Variants in DYNC1H1 observed in about 807,000 individuals in gnomAD.
DYNC1H1 encodes the protein dynein cytoplasmic 1 heavy chain 1.
A neutral mutation model predicts 527.1 loss-of-function variants in DYNC1H1; 51 were observed. That is an observed-to-expected ratio of 0.10 (90% CI 0.08 to 0.12). DYNC1H1 has a LOEUF of 0.12. Ranked by LOEUF, DYNC1H1 falls within the 10% of genes least tolerant of loss-of-function variation. The pLI is 1.00. For synonymous variants in DYNC1H1, 2,189 were observed against 2,278.8 expected (o/e 0.96, Z 1.12); for missense variants, 2,771 against 5,971.8 (o/e 0.46, Z 17.66).
chr14:102,038,605 C>G lies in DYNC1H1; in HGVS notation c.11054C>G (p.Thr3685Ser). The G allele has an allele frequency of 6.2e-7, 1 of 1,614,240 alleles. No homozygotes were observed. The highest frequency in any genetic ancestry group is 8.5e-7 in the Non-Finnish European group (1 of 1,180,042). The change falls in exon 58 of 78, where the codon ACT (threonine) becomes AGT (serine). Residue 3685 changes from threonine (T) to serine (S), a missense_variant and splice_region_variant. Physicochemically the swap from Thr to Ser is moderately conservative, Grantham distance 58. Coordinates refer to ENST00000360184, the MANE Select transcript of DYNC1H1 (RefSeq NM_001376.5). The surrounding 1 kb of genome is among the most constrained non-coding windows in gnomAD (Gnocchi z 7.2). ...ATCTTCCTGTCCACCCGGGATCCAA[C>G]TGTAAGGAATGGGACCCTTCCCCAG... ...FVIFLSTRDP[T>S]VEFPPDLCSR...
chr14:102,007,147 C>T (rs1219197858), intron 28 of DYNC1H1, 39 bp downstream of exon 28: 3 of 1,597,322 alleles, frequency 1.9e-6, no homozygotes, highest in Non-Finnish European at 2.6e-6. Context: ...ATGTAATGCC[C>T]TGCAGGGATC....
intron 41 of DYNC1H1, among the ~76,000 whole-genome samples, chr14:102,019,443 C>A (rs188572940): frequency 6.6e-6 from 1 of 152,322 alleles, no homozygotes; most frequent in Admixed American, 6.5e-5. Context: ...GTGGCAGATG[C>A]TTTTTCCCAG....
At chr14:101,966,209 T>G (rs189580550) in intron 1 of DYNC1H1, among the ~76,000 whole-genome samples, 6 of 152,364 alleles carry the variant, frequency 3.9e-5, no homozygotes, top group African/African-American at 1.4e-4. Flanking sequence ...TCAAAGGCTA[T>G]TCTTACTCAG....
At chr14:101,975,271 G>A (rs1275062900) in intron 1 of DYNC1H1, among the ~76,000 whole-genome samples, 3 of 152,230 alleles carry the variant, frequency 2.0e-5, no homozygotes, top group African/African-American at 7.2e-5. Context: ...TTAGTAAAAT[G>A]CCTATCACAC....
rs916123858 is a variant in DYNC1H1 at position 102,018,751 on chromosome 14, A to T, written c.8343+135A>T. 2 of 1,199,404 alleles carry T rather than the reference A, an allele frequency of 1.7e-6. No individual in the cohort carries two copies. Among genetic ancestry groups the T allele is most frequent in the Non-Finnish European group, 2.4e-6 (2 of 843,350 alleles). 74.3% of individuals were successfully genotyped at this position (1,199,404 alleles called of 1,614,324 possible). On this transcript the variant is annotated intron_variant, in intron 41 of 77. Coordinates refer to ENST00000360184, the MANE Select transcript of DYNC1H1 (RefSeq NM_001376.5). The surrounding 1 kb of genome is among the most constrained non-coding windows in gnomAD (Gnocchi z 5.2). Reference sequence around the variant, plus strand: ...CAAGGTGGGTGGATCCTTTGAGCCCAGGAGTTTGAGACCAGTCTGGACAAC... The same window carrying T: ...CAAGGTGGGTGGATCCTTTGAGCCCTGGAGTTTGAGACCAGTCTGGACAAC...
rs2048777572 is a variant in DYNC1H1 at position 102,049,682 on chromosome 14, C to T, written c.13516-32C>T. On this transcript the variant is annotated intron_variant, in intron 75 of 77. Coordinates refer to ENST00000360184, the MANE Select transcript of DYNC1H1 (RefSeq NM_001376.5). The surrounding 1 kb of genome is among the most constrained non-coding windows in gnomAD (Gnocchi z 5.5). The stretch of plus-strand genomic sequence containing the variant: ...ACACAGGGCCCAGGTCTGACCTGAG[C>T]TCCTTCCCCTGGGGGCTGCTGCTTT... The T allele has an allele frequency of 6.2e-7, 1 of 1,613,870 alleles. No homozygotes were observed. Among genetic ancestry groups the T allele is most frequent in the Admixed American group, 1.7e-5 (1 of 60,026 alleles).
chr14:102,008,807 C>G (rs2048226454), intron 29 of DYNC1H1, among the ~76,000 whole-genome samples: 1 of 152,160 alleles, frequency 6.6e-6, no homozygotes, highest in Non-Finnish European at 1.5e-5. Context: ...AAACCCAGGA[C>G]TGTATTGCAT....
At chr14:102,048,933 G>T in intron 74 of DYNC1H1, 1 of 511,686 alleles carries the variant, frequency 2.0e-6, no homozygotes, top group Middle Eastern at 5.5e-4. Flanking sequence ...GGTCTTCCAA[G>T]ACGACAGTGA....
rs1429323918 is a variant in DYNC1H1, at chr14:102,041,770, C to T, written c.12102+36C>T. 9 of 1,613,274 alleles carry T rather than the reference C, an allele frequency of 5.6e-6. No individual in the cohort carries two copies. The highest frequency in any genetic ancestry group is 5.9e-6 in the Non-Finnish European group (7 of 1,180,018). On this transcript the variant is annotated intron_variant, in intron 65 of 77. Coordinates refer to ENST00000360184, the MANE Select transcript of DYNC1H1 (RefSeq NM_001376.5). The surrounding 1 kb of genome is among the most constrained non-coding windows in gnomAD (Gnocchi z 4.5). ...GGTACAGCCCGGGCTTCCCACGAGA[C>T]TCCATGCCCACCTCCCCAGCCACAG...
At chr14:102,021,695 T>C (rs1446236438) in intron 42 of DYNC1H1, among the ~76,000 whole-genome samples, 1 of 150,456 alleles carries the variant, frequency 6.6e-6, no homozygotes, top group Non-Finnish European at 1.5e-5. Flanking sequence ...AGTCTCGCTT[T>C]GTCACCCAGG....
At chr14:102,045,877 A>G (rs1390134275) in intron 72 of DYNC1H1, among the ~76,000 whole-genome samples, 1 of 152,010 alleles carries the variant, frequency 6.6e-6, no homozygotes, top group Non-Finnish European at 1.5e-5. Context: ...TTAGAAATGC[A>G]GGTTCCCAGC....
chr14:101,965,002 C>A lies in DYNC1H1; in HGVS notation c.256+55C>A. 1 of 1,530,908 alleles carries A rather than the reference C, an allele frequency of 6.5e-7. No homozygotes were observed. Among genetic ancestry groups the A allele is most frequent in the East Asian group, 2.4e-5 (1 of 41,874 alleles). The allele number at this position is 1,530,908 out of a possible 1,614,324, so 94.8% of individuals were successfully genotyped here. A position where few individuals can be genotyped will look rare whatever the true frequency, so the allele number is the denominator to read the frequency against. On this transcript the variant is annotated intron_variant, in intron 1 of 77. Transcript: ENST00000360184. The surrounding 1 kb of genome is among the most constrained non-coding windows in gnomAD (Gnocchi z 4.1). ...GAGCCAGGCCTCGCGGAATGCAGGG[C>A]CTGCCAGGTCCTCCGGGGTCGCAGA... is the stretch of plus-strand genomic sequence containing the variant.
Position 102,010,781 on chromosome 14 carries a change from G to C in DYNC1H1, c.6447G>C (p.Leu2149=), listed in dbSNP as rs757840879. The C allele has an allele frequency of 1.9e-6, 3 of 1,613,556 alleles. No individual in the cohort carries two copies. Among genetic ancestry groups the C allele is most frequent in the Admixed American group, 3.3e-5 (2 of 60,004 alleles). Residue 2149 remains leucine (L), a synonymous_variant, in exon 32 of 78, where the codon CTG becomes CTC. Transcript: ENST00000360184. The surrounding 1 kb of genome is among the most constrained non-coding windows in gnomAD (Gnocchi z 6.0). ...QSVCETMVPK[L]VAEDIPLLFS... is the part of the protein sequence containing the mutation. Reference sequence around the variant, plus strand: ...TCTGTGAGACGATGGTGCCAAAGCTGGTGGCAGAGGACATCCCGCTGCTCT... The same window carrying C: ...TCTGTGAGACGATGGTGCCAAAGCTCGTGGCAGAGGACATCCCGCTGCTCT...
rs1274888262 is a variant in DYNC1H1 at position 102,050,965 on chromosome 14, C to G, written c.*402C>G. ...TGAATGAAGACCTTGGGGCCCTTCACAGACACAGATGCAGCCAGCTGTGGC... is the reference window on the plus strand; with the variant it reads ...TGAATGAAGACCTTGGGGCCCTTCAGAGACACAGATGCAGCCAGCTGTGGC... On this transcript the variant is annotated 3_prime_UTR_variant, in exon 78 of 78. Transcript: ENST00000360184. 3.2e-6 allele frequency: 1 copy of G among 308,488 alleles called. No homozygotes were observed. Among genetic ancestry groups the G allele is most frequent in the Non-Finnish European group, 6.3e-6 (1 of 159,992 alleles). 19.1% of individuals were successfully genotyped at this position (308,488 alleles called of 1,614,324 possible). A position where few individuals can be genotyped will look rare whatever the true frequency, so the allele number is the denominator to read the frequency against.
In DYNC1H1 at chr14:101,979,898, G is replaced by A; in HGVS notation, c.698G>A (p.Gly233Asp). The A allele has an allele frequency of 6.2e-7, 1 of 1,614,208 alleles. No individual in the cohort carries two copies. The highest frequency in any genetic ancestry group is 8.5e-7 in the Non-Finnish European group (1 of 1,180,038). ...RGEKPKVTDF[G>D]DKVEDPTFLN... Reference sequence around the variant, plus strand: ...GAAAAGCCAAAAGTTACAGACTTTGGTGATAAGGTTGAAGACCCAACATTT... The same window carrying A: ...GAAAAGCCAAAAGTTACAGACTTTGATGATAAGGTTGAAGACCCAACATTT... Residue 233 changes from glycine to aspartate, a missense_variant, in exon 4 of 78, where the codon GGT (glycine) becomes GAT (aspartate). Around this residue, in one of 32 missense-constraint regions of DYNC1H1, gnomAD observed 146 missense variants for 288.1 expected, o/e 0.51. Transcript: ENST00000360184. The surrounding 1 kb of genome is among the most constrained non-coding windows in gnomAD (Gnocchi z 4.6).
rs758224806 is a variant in DYNC1H1, at chr14:102,033,215, A to C, written c.10197+33A>C. 1 of 1,614,220 alleles carries C rather than the reference A, an allele frequency of 6.2e-7. No homozygotes were observed. ...ACACAGCCAGGAGCTCCCGTGTGAAAGGTGACCTCTTTTCCTGTCACTTAA... is the reference window on the plus strand; with the variant it reads ...ACACAGCCAGGAGCTCCCGTGTGAACGGTGACCTCTTTTCCTGTCACTTAA... On this transcript the variant is annotated intron_variant, in intron 53 of 77. Transcript: ENST00000360184. This position sits in a 1 kb window ranked among gnomAD's most constrained non-coding sequence, Gnocchi z 5.6.
chr14:102,017,092 T>C lies in DYNC1H1; in HGVS notation c.7853T>C (p.Val2618Ala). The C allele has an allele frequency of 6.2e-7, 1 of 1,614,252 alleles. No homozygotes were observed. The highest frequency in any genetic ancestry group is 8.5e-7 in the Non-Finnish European group (1 of 1,180,040). ...ALRALPDMEV[V>A]GLNFSSATTP... ...TTTTGTGTCTTCCCTCCAAAGGTGG[T>C]GGGTCTCAACTTCTCCAGTGCTACT... The change falls in exon 39 of 78, where the codon GTG becomes GCG. Residue 2618 changes from valine (V) to alanine (A), a missense_variant. Val to Ala is a moderately conservative substitution (Grantham distance 64, BLOSUM62 0). Around this residue, in one of 32 missense-constraint regions of DYNC1H1, gnomAD observed 163 missense variants for 346.9 expected, o/e 0.47. Transcript: ENST00000360184. The surrounding 1 kb of genome is among the most constrained non-coding windows in gnomAD (Gnocchi z 4.6).
intron 2 of DYNC1H1, among the ~76,000 whole-genome samples, chr14:101,976,020 G>A (rs937502363): frequency 6.6e-6 from 1 of 150,840 alleles, no homozygotes; most frequent in African/African-American, 2.4e-5. Context: ...CAATTCTCCT[G>A]CCTCAGCCTT....
intron 72 of DYNC1H1, 176 bp from the exon 73 acceptor site, chr14:102,047,641 G>GTGTGTATGTATATATA: frequency 6.5e-6 from 2 of 309,848 alleles, no homozygotes; most frequent in Non-Finnish European, 1.1e-5. Context: ...GTGTGTGTGT[G>GTGTGTATGTATATATA]TATATATATA....
Sources: allele counts gnomAD v4.1 joint callset (sites outside exome capture counted in the v4.1 genomes callset), GRCh38; gene constraint gnomAD v4.1.1; regional missense constraint gnomAD v4.1.1; non-coding constraint Gnocchi (gnomAD v3.1); transcripts MANE v1.5; gene names NCBI Gene and HGNC (gene_info 2026-07-23, HGNC 2026-07-21).